The following SEMA5A variants were observed in gnomAD, a reference collection of about 807,000 sequenced individuals.
SEMA5A encodes the protein semaphorin-5A.
Under a neutral mutation model 135.5 loss-of-function variants are expected in SEMA5A, and 55 were observed. The ratio of observed to expected loss-of-function variants is 0.41; its 90% CI spans 0.33 to 0.51. The LOEUF (loss-of-function observed/expected upper bound fraction) is 0.51, where lower values mean the gene tolerates loss of function less well. Ranked by LOEUF, SEMA5A falls within the 20% of genes least tolerant of loss-of-function variation. SEMA5A has a pLI of 0.37. For synonymous variants in SEMA5A, 580 were observed against 546.5 expected (o/e 1.06, Z -0.85); for missense variants, 1,290 against 1,419.9 (o/e 0.91, Z 1.47).
At chr5:9,105,427 T>C (rs1490979273) in intron 16 of SEMA5A, among the ~76,000 whole-genome samples, 1 of 152,256 alleles carries the variant, frequency 6.6e-6, no homozygotes, top group African/African-American at 2.4e-5. Flanking sequence ...TTCTTTCTTT[T>C]TCATAAACTG....
At chr5:9,147,535 G>A (rs62342337) in intron 12 of SEMA5A, among the ~76,000 whole-genome samples, 44,421 of 151,800 alleles carry the variant, frequency 0.29, 6,595 homozygotes, top group Non-Finnish European at 0.32. Flanking sequence ...CTCCCAAAGT[G>A]CGGGGATTAT....
intron 1 of SEMA5A, among the ~76,000 whole-genome samples, chr5:9,473,494 C>T (rs1759556565): frequency 6.6e-6 from 1 of 151,266 alleles, no homozygotes. Context: ...GATCAGGCTA[C>T]CAAGACGAAG....
chr5:9,489,985 G>T (rs181707812), intron 1 of SEMA5A, among the ~76,000 whole-genome samples: 1 of 152,100 alleles, frequency 6.6e-6, no homozygotes, highest in Admixed American at 6.6e-5. Context: ...AAGTTGGCAG[G>T]CTAGCTGAAA....
chr5:9,536,201 T>G (rs1737754497), intron 1 of SEMA5A, among the ~76,000 whole-genome samples: 1 of 152,150 alleles, frequency 6.6e-6, no homozygotes, highest in South Asian at 2.1e-4. Flanking sequence ...ATTAAAATTA[T>G]TTTGGTTTAG....
At chr5:9,088,466 T>C (rs1468095927) in intron 16 of SEMA5A, among the ~76,000 whole-genome samples, 1 of 150,768 alleles carries the variant, frequency 6.6e-6, no homozygotes, top group African/African-American at 2.4e-5. Flanking sequence ...TAGTTTTCTT[T>C]TAGAATGTTC....
intron 18 of SEMA5A, among the ~76,000 whole-genome samples, chr5:9,056,364 A>C (rs1168260291): frequency 6.6e-6 from 1 of 152,228 alleles, no homozygotes; most frequent in Non-Finnish European, 1.5e-5. Context: ...GCCCTTATAC[A>C]CTGTTGGTGG....
intron 1 of SEMA5A, among the ~76,000 whole-genome samples, chr5:9,474,914 T>C (rs1174485403): frequency 2.0e-5 from 3 of 152,192 alleles, no homozygotes; most frequent in African/African-American, 7.2e-5. Context: ...CTTGTACTTT[T>C]GGTTCCTTCT....
intron 16 of SEMA5A, among the ~76,000 whole-genome samples, chr5:9,082,355 C>T (rs899679966): frequency 1.3e-5 from 2 of 152,160 alleles, no homozygotes; most frequent in Non-Finnish European, 2.9e-5. Context: ...CCTCCTTTAA[C>T]ACTGTTGGTA....
At chr5:9,445,813 C>T (rs1758413378) in intron 1 of SEMA5A, among the ~76,000 whole-genome samples, 1 of 152,196 alleles carries the variant, frequency 6.6e-6, no homozygotes. Context: ...GACCTCACAC[C>T]TGGGTCATTT....
chr5:9,457,879 C>A (rs1251265443), intron 1 of SEMA5A, among the ~76,000 whole-genome samples: 1 of 132,934 alleles, frequency 7.5e-6, no homozygotes, highest in African/African-American at 2.8e-5. Context: ...AAAAATAATT[C>A]TTGAAAAACC....
At chr5:9,193,492 C>T (rs1745224000) in intron 10 of SEMA5A, among the ~76,000 whole-genome samples, 1 of 152,198 alleles carries the variant, frequency 6.6e-6, no homozygotes, top group Non-Finnish European at 1.5e-5. Context: ...CAAATCCATT[C>T]TTGTTCCAGC....
intron 13 of SEMA5A, among the ~76,000 whole-genome samples, chr5:9,130,727 T>C (rs1741363536): frequency 6.6e-6 from 1 of 152,222 alleles, no homozygotes; most frequent in Non-Finnish European, 1.5e-5. Flanking sequence ...TAAGATTCTA[T>C]CACAAAATTC....
intron 1 of SEMA5A, among the ~76,000 whole-genome samples, chr5:9,450,845 C>T (rs988536594): frequency 1.3e-5 from 2 of 151,884 alleles, no homozygotes; most frequent in African/African-American, 4.8e-5. Context: ...TGCTTGACTT[C>T]AAAATGTGTG....
intron 3 of SEMA5A, among the ~76,000 whole-genome samples, chr5:9,372,517 G>C (rs1297311794): frequency 6.6e-6 from 1 of 151,914 alleles, no homozygotes; most frequent in East Asian, 1.9e-4. Context: ...GGAGGGATGG[G>C]ATATGCATGG....
intron 1 of SEMA5A, among the ~76,000 whole-genome samples, chr5:9,457,042 T>A (rs539650892): frequency 6.6e-6 from 1 of 152,306 alleles, no homozygotes; most frequent in East Asian, 1.9e-4. Flanking sequence ...CCCCTACACA[T>A]TCTAGATCGA....
intron 13 of SEMA5A, among the ~76,000 whole-genome samples, chr5:9,131,425 G>A (rs1030029838): frequency 2.6e-5 from 4 of 151,684 alleles, no homozygotes; most frequent in Non-Finnish European, 5.9e-5. Context: ...AGGCTAACAC[G>A]GTGAAACCCC....
At chr5:9,340,395 A>G (rs957607437) in intron 3 of SEMA5A, among the ~76,000 whole-genome samples, 1 of 152,168 alleles carries the variant, frequency 6.6e-6, no homozygotes, top group Non-Finnish European at 1.5e-5. Context: ...AGCCTCTAAG[A>G]GGAAAAAAGA....
intron 5 of SEMA5A, among the ~76,000 whole-genome samples, chr5:9,277,813 G>A (rs1431180071): frequency 2.6e-5 from 4 of 151,932 alleles, no homozygotes; most frequent in Non-Finnish European, 5.9e-5. Flanking sequence ...TGTCAGGGGG[G>A]TGCGGGGCTA....
chr5:9,199,157 C>G (rs752180093), intron 9 of SEMA5A, among the ~76,000 whole-genome samples: 4 of 152,138 alleles, frequency 2.6e-5, no homozygotes, highest in African/African-American at 7.2e-5. Flanking sequence ...CATAATGTTT[C>G]TCTGTTCACT....
Sources: allele counts gnomAD v4.1 joint callset (sites outside exome capture counted in the v4.1 genomes callset), GRCh38; gene constraint gnomAD v4.1.1; transcripts MANE v1.5; gene names NCBI Gene and HGNC (gene_info 2026-07-23, HGNC 2026-07-21).